Variants in SIAH3 observed in about 807,000 individuals in gnomAD.
SIAH3 encodes the protein seven in absentia homolog 3.
In SIAH3, 9 loss-of-function variants were observed where a neutral mutation model predicts 12.6. The ratio of observed to expected loss-of-function variants is 0.72; its 90% CI spans 0.43 to 1.25. The LOEUF (loss-of-function observed/expected upper bound fraction) is 1.25. Ranked by LOEUF, SIAH3 falls within the 50% of genes most tolerant of loss-of-function variation. SIAH3 has a pLI of 0.00. For synonymous variants in SIAH3, 154 were observed against 151.1 expected, an observed-to-expected ratio of 1.02 and a Z score of -0.14; for missense variants, 390 against 365.4, an observed-to-expected ratio of 1.07 and a Z score of -0.55.
At chr13:45,832,974 T>C (rs1244645532) in intron 1 of SIAH3, among the ~76,000 whole-genome samples, 3 of 152,232 alleles carry the variant, frequency 2.0e-5, no homozygotes, top group Non-Finnish European at 2.9e-5. Context: ...ATGTGCCTTC[T>C]GGGTAGTTGA....
intron 1 of SIAH3, among the ~76,000 whole-genome samples, chr13:45,820,713 G>A (rs1950652812): frequency 6.6e-6 from 1 of 152,276 alleles, no homozygotes; most frequent in Middle Eastern, 3.4e-3. Flanking sequence ...CTGCCTGGCT[G>A]CTTCTGCAGT....
At chr13:45,788,548 C>T (rs920408866) in intron 1 of SIAH3, among the ~76,000 whole-genome samples, 2 of 152,192 alleles carry the variant, frequency 1.3e-5, no homozygotes, top group African/African-American at 4.8e-5. Flanking sequence ...ATAATACTTT[C>T]TCTAAGCATT....
chr13:45,815,012 C>A (rs1566092381), intron 1 of SIAH3, among the ~76,000 whole-genome samples: 1 of 152,080 alleles, frequency 6.6e-6, no homozygotes, highest in Non-Finnish European at 1.5e-5. Context: ...CATGAGCCAC[C>A]ATGCCCGGCC....
chr13:45,810,336 C>T (rs377339902), intron 1 of SIAH3, among the ~76,000 whole-genome samples: 9 of 152,182 alleles, frequency 5.9e-5, no homozygotes, highest in South Asian at 2.1e-4. Flanking sequence ...ATAGTCTGCA[C>T]CAGAAGCTCA....
rs1421793095 is a variant in SIAH3, at chr13:45,778,930, T to A, written c.*4453A>T. ...ACTTGAGCATCTTCAGATTTTAGTG[T>A]CCACGAGATTCCTGGAACCAATCCC... On this transcript the variant is annotated 3_prime_UTR_variant, in exon 2 of 2. Transcript: ENST00000400405. 1 of 152,168 alleles carries A rather than the reference T, an allele frequency of 6.6e-6. No homozygotes were observed. Among genetic ancestry groups the A allele is most frequent in the Non-Finnish European group, 1.5e-5 (1 of 68,018 alleles). 9.4% of individuals were successfully genotyped at this position (152,168 alleles called of 1,614,324 possible). A position where few individuals can be genotyped will look rare whatever the true frequency, so the allele number is the denominator to read the frequency against.
intron 1 of SIAH3, among the ~76,000 whole-genome samples, chr13:45,848,258 G>C (rs1268287406): frequency 6.6e-6 from 1 of 152,194 alleles, no homozygotes; most frequent in African/African-American, 2.4e-5. Flanking sequence ...GGCACCATTT[G>C]GAACCCTAAT....
chr13:45,782,745 C>T lies in SIAH3; in HGVS notation c.*638G>A, dbSNP rs1212217396. The T allele has an allele frequency of 1.3e-5, 2 of 152,160 alleles. No homozygotes were observed. Among genetic ancestry groups the T allele is most frequent in the African/African-American group, 2.4e-5 (1 of 41,404 alleles). 9.4% of individuals were successfully genotyped at this position (152,160 alleles called of 1,614,324 possible). On this transcript the variant is annotated 3_prime_UTR_variant, in exon 2 of 2. Transcript: ENST00000400405. ...GTGGGCCTCTGACTACTCTCCTGAG[C>T]CCCAGCATCAACCTGAGCACTCAGC...
At chr13:45,824,140 G>C (rs955962401) in intron 1 of SIAH3, among the ~76,000 whole-genome samples, 17 of 152,136 alleles carry the variant, frequency 1.1e-4, no homozygotes, top group Admixed American at 7.9e-4. Flanking sequence ...TTTACAACCC[G>C]TTTTACATAC....
At chr13:45,843,032 C>CTGTGTGTGTGTGTGTGTGTGTGTGTG (rs746384493) in intron 1 of SIAH3, among the ~76,000 whole-genome samples, 3,209 of 126,548 alleles carry the variant, frequency 0.025, 82 homozygotes, top group Admixed American at 0.038. Context: ...CTCTCTCTCT[C>CTGTGTGTGTGTGTGTGTGTGTGTGTG]TCTGTGTGTG....
intron 1 of SIAH3, among the ~76,000 whole-genome samples, chr13:45,796,349 G>A (rs186299085): frequency 3.3e-5 from 5 of 152,168 alleles, no homozygotes; most frequent in South Asian, 2.1e-4. Flanking sequence ...GGGGGGAGGC[G>A]CTCAAGAACC....
At chr13:45,785,211 C>T (rs1318213189) in intron 1 of SIAH3, among the ~76,000 whole-genome samples, 1 of 152,200 alleles carries the variant, frequency 6.6e-6, no homozygotes, top group Non-Finnish European at 1.5e-5. Flanking sequence ...AATTAGCCTG[C>T]ATGGTCTAGG....
intron 1 of SIAH3, among the ~76,000 whole-genome samples, chr13:45,821,308 T>C (rs1017251992): frequency 6.6e-6 from 1 of 152,200 alleles, no homozygotes; most frequent in African/African-American, 2.4e-5. Context: ...GGACAAATTA[T>C]CCCTCACAGC....
At chr13:45,829,466 G>A (rs1566095573) in intron 1 of SIAH3, among the ~76,000 whole-genome samples, 3 of 152,032 alleles carry the variant, frequency 2.0e-5, no homozygotes, top group Non-Finnish European at 4.4e-5. Context: ...AATATTATCC[G>A]GGCATGGTGG....
chr13:45,847,933 G>A (rs1456337527), intron 1 of SIAH3, among the ~76,000 whole-genome samples: 1 of 152,010 alleles, frequency 6.6e-6, no homozygotes, highest in Admixed American at 6.6e-5. Context: ...GGGACTGACC[G>A]CTCCTCCCCT....
At chr13:45,792,731 A>G (rs566246894) in intron 1 of SIAH3, among the ~76,000 whole-genome samples, 4 of 151,994 alleles carry the variant, frequency 2.6e-5, no homozygotes, top group Non-Finnish European at 5.9e-5. Context: ...TTTCTTTTTG[A>G]GCATTTATAT....
In SIAH3 at chr13:45,780,644, G is replaced by C. The variant is rs754092641; in HGVS notation, c.*2739C>G. ...CTCCCTGCTCCCTCAACTATCCCAG[G>C]ACAAAGACTCAGTTGATTCTCAGGT... On this transcript the variant is annotated 3_prime_UTR_variant, in exon 2 of 2. Coordinates refer to ENST00000400405, the MANE Select transcript of SIAH3 (RefSeq NM_198849.3). 9 of 152,188 alleles carry C rather than the reference G, an allele frequency of 5.9e-5. No individual in the cohort carries two copies. Among genetic ancestry groups the C allele is most frequent in the Non-Finnish European group, 1.2e-4 (8 of 68,050 alleles). The allele number at this position is 152,188 out of a possible 1,614,324, so 9.4% of individuals were successfully genotyped here. A position where few individuals can be genotyped will look rare whatever the true frequency, so the allele number is the denominator to read the frequency against.
At chr13:45,832,538 T>C (rs548274088) in intron 1 of SIAH3, among the ~76,000 whole-genome samples, 20 of 152,366 alleles carry the variant, frequency 1.3e-4, no homozygotes, top group Admixed American at 1.2e-3. Flanking sequence ...CTTTTTATGG[T>C]TGAATATCCC....
intron 1 of SIAH3, among the ~76,000 whole-genome samples, chr13:45,823,400 C>A (rs1337320295): frequency 6.6e-6 from 1 of 152,210 alleles, no homozygotes. Context: ...ATCCTCAGAA[C>A]CACTATAGGC....
At chr13:45,786,879 C>T (rs1950529702) in intron 1 of SIAH3, among the ~76,000 whole-genome samples, 1 of 152,154 alleles carries the variant, frequency 6.6e-6, no homozygotes, top group African/African-American at 2.4e-5. Flanking sequence ...TCCTGAAATC[C>T]CCATTCAGAA....
Sources: allele counts gnomAD v4.1 joint callset (sites outside exome capture counted in the v4.1 genomes callset), GRCh38; gene constraint gnomAD v4.1.1; transcripts MANE v1.5; gene names NCBI Gene and HGNC (gene_info 2026-07-23, HGNC 2026-07-21).